Variants in SNX8 observed in about 807,000 individuals in gnomAD.
SNX8 encodes the protein sorting nexin-8.
SNX8 carries 25 observed loss-of-function variants against 51.6 expected under a neutral mutation model. The observed-to-expected ratio is 0.48, with a 90% CI of 0.35 to 0.68. The LOEUF is 0.68. Ranked by LOEUF, SNX8 falls within the 30% of genes least tolerant of loss-of-function variation. The pLI is 0.00. For missense variants in SNX8, 695 were observed against 624.0 expected, an observed-to-expected ratio of 1.11 and a Z score of -1.21; for synonymous variants, 324 against 277.0, an observed-to-expected ratio of 1.17 and a Z score of -1.68.
chr7:2,279,686 G>T (rs1224791521), intron 1 of SNX8, among the ~76,000 whole-genome samples: 2 of 151,056 alleles, frequency 1.3e-5, no homozygotes, highest in Non-Finnish European at 2.9e-5. Flanking sequence ...CGGGAAGGCG[G>T]AGGCTGCAGT....
chr7:2,311,458 G>C (rs1010077393), intron 1 of SNX8, among the ~76,000 whole-genome samples: 15 of 152,106 alleles, frequency 9.9e-5, no homozygotes, highest in African/African-American at 2.9e-4. Flanking sequence ...CCTGGGCTCG[G>C]GCGATCCTCC....
At chr7:2,308,044 T>C (rs1796585076) in intron 1 of SNX8, 2 of 152,114 alleles carry the variant, frequency 1.3e-5, no homozygotes, top group South Asian at 4.1e-4. Flanking sequence ...ATTGTGTATG[T>C]GTGCGTGTGT....
intron 1 of SNX8, among the ~76,000 whole-genome samples, chr7:2,282,887 C>T (rs1326106001): frequency 3.9e-5 from 6 of 152,050 alleles, no homozygotes; most frequent in African/African-American, 7.2e-5. Flanking sequence ...TTTGGCAGGC[C>T]GAGGCGGGTG....
upstream of SNX8, among the ~76,000 whole-genome samples, chr7:2,316,299 A>T (rs925228270): frequency 1.5e-5 from 2 of 136,244 alleles, no homozygotes; most frequent in East Asian, 2.3e-4. Flanking sequence ...TCACTCACTC[A>T]CTCACTGCAT....
intron 1 of SNX8, among the ~76,000 whole-genome samples, chr7:2,348,647 C>G (rs1205452809): frequency 6.7e-6 from 1 of 148,846 alleles, no homozygotes; most frequent in Non-Finnish European, 1.5e-5. Context: ...GGCCCAGTAT[C>G]TTTTTCAGGG....
chr7:2,272,825 A>C (rs1192630233), intron 3 of SNX8, among the ~76,000 whole-genome samples: 4 of 151,570 alleles, frequency 2.6e-5, no homozygotes, highest in African/African-American at 9.7e-5. Flanking sequence ...GAACACAAAC[A>C]AAAATGGTAT....
At position 2,293,260 on chromosome 7, in the gene SNX8, G is replaced by A. The variant is rs919245224; in HGVS notation, c.95-14955C>T. On this transcript the variant is annotated intron_variant, in intron 1 of 10. Coordinates refer to ENST00000222990, the MANE Select transcript of SNX8 (RefSeq NM_013321.4). Reference sequence around the variant, plus strand: ...CTCCCAAAGTGCTGGAATTACAGGCGTGAGCCACTGAAACAAGCCAAATTA... The same window carrying A: ...CTCCCAAAGTGCTGGAATTACAGGCATGAGCCACTGAAACAAGCCAAATTA... Among the ~76,000 whole-genome samples the A allele has an allele frequency of 1.2e-4, 18 of 149,066 alleles. No homozygotes were observed. The East Asian group carries it at 1.9e-3, about 16-fold the overall frequency.
chr7:2,332,591 C>T (rs1321164737), intron 1 of SNX8, among the ~76,000 whole-genome samples: 1 of 151,732 alleles, frequency 6.6e-6, no homozygotes, highest in African/African-American at 2.4e-5. Flanking sequence ...CCATCTCTAC[C>T]AAAAATTTAA....
In SNX8 at chr7:2,264,381, G is replaced by C. The variant is rs1308390163; in HGVS notation, c.699C>G (p.His233Gln). The C allele has an allele frequency of 6.2e-7, 1 of 1,612,976 alleles. No individual in the cohort carries two copies. The highest frequency in any genetic ancestry group is 8.5e-7 in the Non-Finnish European group (1 of 1,179,972). ...ELIRNIYNSFHKLRDRAERIA... is the reference protein window; with the variant it reads ...ELIRNIYNSFQKLRDRAERIA... ...TCCGCTCGGCCCTGTCGCGAAGCTT[G>C]TGAAAGCTATTGTAGATGTTCCGGA... Residue 233 changes from histidine (H) to glutamine (Q), a missense_variant, in exon 6 of 11, where the codon CAC becomes CAG. Physicochemically the swap from His to Gln is conservative, Grantham distance 24 (BLOSUM62 0). Coordinates refer to ENST00000222990, the MANE Select transcript of SNX8 (RefSeq NM_013321.4).
chr7:2,264,606 G>T, intron 5 of SNX8, 148 bp from the exon 6 acceptor site: 6 of 636,962 alleles, frequency 9.4e-6, no homozygotes, highest in Non-Finnish European at 1.6e-5. Flanking sequence ...AGGCCTGCAG[G>T]GATCACTCTG....
At chr7:2,304,335 GA>G (rs1309195664) in intron 1 of SNX8, among the ~76,000 whole-genome samples, 1 of 151,508 alleles carries the variant, frequency 6.6e-6, no homozygotes, top group Admixed American at 6.6e-5. Flanking sequence ...ACGAGGTCAG[GA>G]GATAGAGACC....
At chr7:2,328,314 C>T (rs992420082) in intron 1 of SNX8, among the ~76,000 whole-genome samples, 1 of 152,074 alleles carries the variant, frequency 6.6e-6, no homozygotes, top group African/African-American at 2.4e-5. Flanking sequence ...GCCTTGGCCT[C>T]CCAAAGTGCT....
chr7:2,270,007 G>A (rs1347946087), intron 4 of SNX8, among the ~76,000 whole-genome samples: 1 of 152,114 alleles, frequency 6.6e-6, no homozygotes, highest in African/African-American at 2.4e-5. Flanking sequence ...CAGCCCCAGA[G>A]ATACCTGAGA....
At chr7:2,257,833 G>T (rs185311702) in intron 7 of SNX8, 30 bp from the exon 8 acceptor site, 1 of 1,604,878 alleles carries the variant, frequency 6.2e-7, no homozygotes, top group African/African-American at 1.3e-5. Flanking sequence ...TCACCCACGC[G>T]GACGCACATA....
At chr7:2,287,388 G>A (rs1283004409) in intron 1 of SNX8, among the ~76,000 whole-genome samples, 1 of 152,100 alleles carries the variant, frequency 6.6e-6, no homozygotes, top group Admixed American at 6.6e-5. Context: ...AGACCAGCCT[G>A]GCCAACATAG....
At chr7:2,339,062 T>C (rs920804500) in intron 1 of SNX8, among the ~76,000 whole-genome samples, 13 of 152,062 alleles carry the variant, frequency 8.5e-5, no homozygotes, top group African/African-American at 3.1e-4. Flanking sequence ...TAGGCACAAG[T>C]CACCACACCT....
chr7:2,263,245 G>C lies in SNX8; in HGVS notation c.900C>G (p.Asp300Glu), dbSNP rs1795380637. Residue 300 changes from aspartate (D) to glutamate (E), a missense_variant, in exon 7 of 11, where the codon GAC (aspartate) becomes GAG (glutamate). By Grantham distance (45) the Asp-to-Glu change is conservative. Coordinates refer to ENST00000222990, the MANE Select transcript of SNX8 (RefSeq NM_013321.4). Reference protein sequence around the residue: ...GLSVEFALLADKAAQQGKQEE... With the variant: ...GLSVEFALLAEKAAQQGKQEE... ...ATCCACTCACCTGTTGTGCAGCCTT[G>C]TCGGCGAGCAGCGCGAATTCCACAG... 6.2e-7 allele frequency: 1 copy of C among 1,613,820 alleles called. No individual in the cohort carries two copies. Among genetic ancestry groups the C allele is most frequent in the African/African-American group, 1.3e-5 (1 of 74,958 alleles).
intron 10 of SNX8, 57 bp from the exon 11 acceptor site, chr7:2,255,226 G>A (rs975906395): frequency 9.7e-6 from 11 of 1,128,208 alleles, no homozygotes; most frequent in African/African-American, 1.6e-5. Context: ...TCCTCCTCAC[G>A]CTCTGATCCC....
chr7:2,343,266 T>C lies in SNX8; in HGVS notation c.-66+10956A>G, dbSNP rs924849058. ...TAAATATTAATTTGGCCATTTAGTA[T>C]GACCAAACTGTATGATGAAAGAGAC... On this transcript the variant is annotated intron_variant, in intron 1 of 5. Transcript: ENST00000435336. 2.6e-5 allele frequency among the ~76,000 whole-genome samples: 4 copies of C among 152,070 alleles called. No homozygotes were observed. The East Asian group carries it at 7.8e-4, about 30-fold the overall frequency.
Sources: allele counts gnomAD v4.1 joint callset (sites outside exome capture counted in the v4.1 genomes callset), GRCh38; gene constraint gnomAD v4.1.1; transcripts MANE v1.5; gene names NCBI Gene and HGNC (gene_info 2026-07-23, HGNC 2026-07-21).